The following NUBPL variants were observed in gnomAD, a reference collection of about 807,000 sequenced individuals.
NUBPL encodes the protein NUBP iron-sulfur cluster assembly factor, mitochondrial.
NUBPL carries 31 observed loss-of-function variants against 45.7 expected under a neutral mutation model. The observed-to-expected ratio is 0.68, with a 90% CI of 0.51 to 0.92. The LOEUF is 0.92. NUBPL is among the 40% of genes least tolerant of loss of function. The pLI, the probability that NUBPL is intolerant of heterozygous loss-of-function variation, is 0.00. For missense variants in NUBPL, 401 were observed against 398.7 expected, an observed-to-expected ratio of 1.01 and a Z score of -0.05; for synonymous variants, 144 against 140.9, an observed-to-expected ratio of 1.02 and a Z score of -0.15.
chr14:31,754,761 A>G (rs746294537), intron 6 of NUBPL, among the ~76,000 whole-genome samples: 1 of 151,120 alleles, frequency 6.6e-6, no homozygotes, highest in Non-Finnish European at 1.5e-5. Context: ...GGTTAGTTAC[A>G]TATGTATACA....
At chr14:31,739,447 A>G (rs2139995817) in intron 6 of NUBPL, among the ~76,000 whole-genome samples, 1 of 151,994 alleles carries the variant, frequency 6.6e-6, no homozygotes, top group African/African-American at 2.4e-5. Flanking sequence ...AATGCATGTG[A>G]GTATAGGTAT....
chr14:31,652,096 A>G (rs372619454), intron 4 of NUBPL, among the ~76,000 whole-genome samples: 12 of 152,162 alleles, frequency 7.9e-5, no homozygotes, highest in East Asian at 5.8e-4. Context: ...AGAATATATC[A>G]TATATATACT....
At chr14:31,848,789 A>C (rs1339544763) in intron 9 of NUBPL, among the ~76,000 whole-genome samples, 1 of 152,192 alleles carries the variant, frequency 6.6e-6, no homozygotes, top group African/African-American at 2.4e-5. Context: ...GAGTATCTGG[A>C]GAGCAGAAAT....
At chr14:31,717,478 A>G (rs1056344820) in intron 6 of NUBPL, among the ~76,000 whole-genome samples, 5 of 152,124 alleles carry the variant, frequency 3.3e-5, no homozygotes, top group African/African-American at 1.2e-4. Flanking sequence ...CCTGGTTGCT[A>G]TTCATTCCAG....
Position 31,750,128 on chromosome 14 carries a change from T to G in NUBPL, c.514-37652T>G, listed in dbSNP as rs150592161. 4.1e-3 allele frequency among the ~76,000 whole-genome samples: 621 copies of G among 151,752 alleles called. 7 individuals carry two copies. The highest frequency in any genetic ancestry group is 7.3e-3 in the Non-Finnish European group (493 of 67,904). On this transcript the variant is annotated intron_variant, in intron 6 of 10. Coordinates refer to ENST00000281081, the MANE Select transcript of NUBPL (RefSeq NM_025152.3). ...TTTTTCCTGATTTCTTTTTATTATCTGTCTTTATTCTTTTGTATTTCAGTA... is the reference window on the plus strand; with the variant it reads ...TTTTTCCTGATTTCTTTTTATTATCGGTCTTTATTCTTTTGTATTTCAGTA...
At chr14:31,644,482 T>C (rs1047603166) in intron 4 of NUBPL, among the ~76,000 whole-genome samples, 3 of 152,182 alleles carry the variant, frequency 2.0e-5, no homozygotes, top group African/African-American at 7.2e-5. Context: ...CTATTAGTAG[T>C]TTCTAGTTTT....
At chr14:31,805,914 T>TAAAA (rs144717233) in intron 7 of NUBPL, among the ~76,000 whole-genome samples, 11,529 of 152,046 alleles carry the variant, frequency 0.076, 489 homozygotes, top group Non-Finnish European at 0.091. Context: ...AAATAAAAAT[T>TAAAA]AAAAAATTTT....
At chr14:31,705,185 G>A (rs575406324) in intron 6 of NUBPL, among the ~76,000 whole-genome samples, 152 of 151,472 alleles carry the variant, frequency 1.0e-3, no homozygotes, top group African/African-American at 3.3e-3. Context: ...GGAGTTGTTC[G>A]TCCCTCCTGG....
intron 10 of NUBPL, among the ~76,000 whole-genome samples, chr14:31,852,820 C>G (rs886735166): frequency 1.3e-5 from 2 of 152,144 alleles, no homozygotes; most frequent in Non-Finnish European, 2.9e-5. Context: ...TGTGATGAAT[C>G]TTGCCTCCTG....
At chr14:31,750,432 C>T (rs1009050711) in intron 6 of NUBPL, among the ~76,000 whole-genome samples, 16 of 150,816 alleles carry the variant, frequency 1.1e-4, no homozygotes, top group African/African-American at 2.2e-4. Context: ...CTCCTGACCT[C>T]GTGATCCTCC....
At chr14:31,592,134 C>T (rs2034158236) in intron 3 of NUBPL, among the ~76,000 whole-genome samples, 1 of 152,074 alleles carries the variant, frequency 6.6e-6, no homozygotes. Flanking sequence ...GACTGTGTGA[C>T]TATCTGAGGG....
chr14:31,566,721 C>G (rs546632830), intron 3 of NUBPL, among the ~76,000 whole-genome samples: 2 of 152,058 alleles, frequency 1.3e-5, no homozygotes, highest in South Asian at 4.1e-4. Context: ...GGAAGATTAT[C>G]CTGGATTATC....
chr14:31,569,955 T>G (rs2033537915), intron 3 of NUBPL, among the ~76,000 whole-genome samples: 1 of 152,190 alleles, frequency 6.6e-6, no homozygotes, highest in Non-Finnish European at 1.5e-5. Context: ...GATGCACAGT[T>G]TGGAAGAGCA....
At chr14:31,735,351 A>G (rs1241256054) in intron 6 of NUBPL, among the ~76,000 whole-genome samples, 2 of 152,160 alleles carry the variant, frequency 1.3e-5, no homozygotes, top group Admixed American at 1.3e-4. Context: ...CAGATTGGAT[A>G]TTGTCACTTG....
chr14:31,784,885 G>A (rs549156282), intron 6 of NUBPL, among the ~76,000 whole-genome samples: 50 of 152,310 alleles, frequency 3.3e-4, no homozygotes, highest in African/African-American at 1.1e-3. Flanking sequence ...GAGTTTAATG[G>A]TTATGGGAAT....
intron 6 of NUBPL, among the ~76,000 whole-genome samples, chr14:31,694,794 G>T (rs1258897988): frequency 1.3e-5 from 2 of 152,200 alleles, no homozygotes; most frequent in Admixed American, 1.3e-4. Flanking sequence ...GATTACAGGC[G>T]TGAGCCTCTG....
chr14:31,692,634 C>G (rs2037118713), intron 6 of NUBPL, among the ~76,000 whole-genome samples: 2 of 152,212 alleles, frequency 1.3e-5, no homozygotes, highest in African/African-American at 2.4e-5. Context: ...TTCACTTTAG[C>G]TGATCCTGCA....
intron 6 of NUBPL, among the ~76,000 whole-genome samples, chr14:31,726,871 A>T (rs2037937298): frequency 6.6e-6 from 1 of 152,074 alleles, no homozygotes; most frequent in South Asian, 2.1e-4. Context: ...TGAGCTGATG[A>T]TGCTTTGTCT....
chr14:31,747,617 T>G (rs901585947), intron 6 of NUBPL, among the ~76,000 whole-genome samples: 1 of 152,232 alleles, frequency 6.6e-6, no homozygotes, highest in African/African-American at 2.4e-5. Context: ...CTTATAGTAG[T>G]CTTTAATGAT....
Sources: allele counts gnomAD v4.1 joint callset (sites outside exome capture counted in the v4.1 genomes callset), GRCh38; gene constraint gnomAD v4.1.1; transcripts MANE v1.5; gene names NCBI Gene and HGNC (gene_info 2026-07-23, HGNC 2026-07-21).